Variants in PIAS2 observed in about 807,000 individuals in gnomAD.
PIAS2 encodes E3 SUMO-protein ligase PIAS2.
In PIAS2, 19 loss-of-function variants were observed where a neutral mutation model predicts 69.7. The observed-to-expected ratio is 0.27, with a 90% CI of 0.19 to 0.40. The LOEUF is 0.40. PIAS2 is among the 10% of genes least tolerant of loss of function. PIAS2 has a pLI of 1.00. For missense variants in PIAS2, 624 were observed against 757.0 expected (o/e 0.82, Z 2.06); for synonymous variants, 261 against 263.2 (o/e 0.99, Z 0.08).
chr18:46,889,728 A>G lies in PIAS2; in HGVS notation c.499+852T>C, dbSNP rs117727967. On this transcript the variant is annotated intron_variant, in intron 2 of 13. Coordinates refer to ENST00000585916, the MANE Select transcript of PIAS2 (RefSeq NM_004671.5). Reference sequence around the variant, plus strand: ...ATCCAGCAATTCCACTTGTGGGTATACAGCCAGAAGAATTGAAAAGCAGGG... The same window carrying G: ...ATCCAGCAATTCCACTTGTGGGTATGCAGCCAGAAGAATTGAAAAGCAGGG... Among the ~76,000 whole-genome samples the G allele has an allele frequency of 1.2e-4, 19 of 152,328 alleles. No individual in the cohort carries two copies. In the East Asian group the frequency reaches 3.7e-3, roughly 29 times the overall value.
intron 3 of PIAS2, among the ~76,000 whole-genome samples, chr18:46,862,636 C>T (rs1325887913): frequency 2.0e-5 from 3 of 151,926 alleles, no homozygotes; most frequent in East Asian, 1.9e-4. Flanking sequence ...TATATACATA[C>T]ATATATATAC....
Position 46,917,110 on chromosome 18 carries a change from C to G in PIAS2, c.24+212G>C, listed in dbSNP as rs561368808. On this transcript the variant is annotated intron_variant, in intron 1 of 13. Coordinates refer to ENST00000585916, the MANE Select transcript of PIAS2 (RefSeq NM_004671.5). ...GCACTCAGGAGCCGGCTCGCCGCGG[C>G]CCAGGCCCGCCGCCCCCGCGCCGCC... 3.6e-3 allele frequency: 3,551 copies of G among 991,898 alleles called. 4 individuals are homozygous for G. Among genetic ancestry groups the G allele is most frequent in the Non-Finnish European group, 3.9e-3 (3,230 of 834,188 alleles). 61.4% of individuals were successfully genotyped at this position (991,898 alleles called of 1,614,324 possible). A position where few individuals can be genotyped will look rare whatever the true frequency, so the allele number is the denominator to read the frequency against.
At chr18:46,876,619 C>T (rs1808218699) in intron 2 of PIAS2, among the ~76,000 whole-genome samples, 1 of 152,036 alleles carries the variant, frequency 6.6e-6, no homozygotes, top group East Asian at 1.9e-4. Context: ...GGAACCATAA[C>T]AACAAAAGCA....
intron 3 of PIAS2, among the ~76,000 whole-genome samples, chr18:46,857,774 C>G (rs1329213559): frequency 6.6e-6 from 1 of 152,114 alleles, no homozygotes; most frequent in African/African-American, 2.4e-5. Context: ...TGAGTAATGA[C>G]CAAGGCATCT....
intron 1 of PIAS2, chr18:46,916,797 G>A (rs2057976319): frequency 9.1e-6 from 9 of 984,864 alleles, no homozygotes; most frequent in Non-Finnish European, 9.6e-6. Context: ...AGGAGGCAAG[G>A]GTGGGAGAAG....
chr18:46,896,023 A>G (rs1360627539), intron 1 of PIAS2, among the ~76,000 whole-genome samples: 1 of 152,134 alleles, frequency 6.6e-6, no homozygotes, highest in East Asian at 1.9e-4. Flanking sequence ...TACATTCCAA[A>G]TTCAGGGAAA....
intron 1 of PIAS2, chr18:46,891,735 A>C (rs1483053947): frequency 1.8e-6 from 1 of 546,180 alleles, no homozygotes; most frequent in Non-Finnish European, 2.3e-6. Flanking sequence ...GGAAATGAGC[A>C]GTCATCAATC....
At chr18:46,814,442 G>A (rs2041294210) in intron 13 of PIAS2, among the ~76,000 whole-genome samples, 1 of 151,974 alleles carries the variant, frequency 6.6e-6, no homozygotes, top group Admixed American at 6.6e-5. Context: ...CTTTCACTAG[G>A]TACCTTCGTT....
intron 12 of PIAS2, chr18:46,818,505 TA>T: frequency 2.8e-6 from 4 of 1,437,236 alleles, no homozygotes; most frequent in Non-Finnish European, 3.7e-6. Context: ...AGAAATGTAT[TA>T]AAACTTTGTT....
chr18:46,854,491 T>C (rs1428527673), intron 5 of PIAS2, among the ~76,000 whole-genome samples: 2 of 152,244 alleles, frequency 1.3e-5, no homozygotes, highest in African/African-American at 4.8e-5. Context: ...ATTATGGCTT[T>C]GCTGGCCTTC....
At chr18:46,824,852 A>C (rs547163981) in intron 11 of PIAS2, among the ~76,000 whole-genome samples, 51 of 151,428 alleles carry the variant, frequency 3.4e-4, no homozygotes, top group Admixed American at 2.0e-3. Flanking sequence ...AAAAAAAAAA[A>C]ACACAAAAAA....
At chr18:46,818,060 T>A (rs545949565) in intron 12 of PIAS2, 1 of 997,170 alleles carries the variant, frequency 1.0e-6, no homozygotes, top group East Asian at 1.0e-4. Flanking sequence ...AAGCAGGTAG[T>A]GTTAACATTA....
At chr18:46,831,748 T>C (rs2043654606) in intron 9 of PIAS2, among the ~76,000 whole-genome samples, 1 of 152,146 alleles carries the variant, frequency 6.6e-6, no homozygotes, top group South Asian at 2.1e-4. Context: ...CACATGGCCA[T>C]ATACCAAACA....
intron 5 of PIAS2, among the ~76,000 whole-genome samples, chr18:46,850,317 C>T (rs931306890): frequency 6.6e-6 from 1 of 152,064 alleles, no homozygotes; most frequent in Non-Finnish European, 1.5e-5. Flanking sequence ...AGCCCCACAC[C>T]GCACTTAGTT....
intron 2 of PIAS2, among the ~76,000 whole-genome samples, chr18:46,875,562 C>T (rs978070484): frequency 6.6e-6 from 1 of 152,234 alleles, no homozygotes; most frequent in East Asian, 1.9e-4. Flanking sequence ...GAAATCCAGA[C>T]CCAGAGTCCG....
intron 2 of PIAS2, among the ~76,000 whole-genome samples, chr18:46,865,845 T>C (rs1418528007): frequency 1.3e-5 from 2 of 152,212 alleles, no homozygotes; most frequent in Non-Finnish European, 2.9e-5. Context: ...AACATAATTA[T>C]GGAGCATCAA....
intron 1 of PIAS2, among the ~76,000 whole-genome samples, chr18:46,910,355 T>G (rs997222693): frequency 6.6e-6 from 1 of 152,150 alleles, no homozygotes; most frequent in Admixed American, 6.5e-5. Context: ...GGTTGGTAAT[T>G]ATATGTATGT....
intron 1 of PIAS2, among the ~76,000 whole-genome samples, chr18:46,892,836 A>G (rs2054267232): frequency 6.6e-6 from 1 of 152,150 alleles, no homozygotes; most frequent in South Asian, 2.1e-4. Context: ...TATCAAAACT[A>G]TCTTTTCATC....
At chr18:46,913,553 G>GA (rs1214392025) in intron 1 of PIAS2, among the ~76,000 whole-genome samples, 10 of 148,946 alleles carry the variant, frequency 6.7e-5, no homozygotes, top group African/African-American at 2.5e-4. Flanking sequence ...ATACAGAAGG[G>GA]AGATCCTTAA....
Sources: allele counts gnomAD v4.1 joint callset (sites outside exome capture counted in the v4.1 genomes callset), GRCh38; gene constraint gnomAD v4.1.1; transcripts MANE v1.5; gene names NCBI Gene and HGNC (gene_info 2026-07-23, HGNC 2026-07-21).